WDR70: variants seen among roughly 807,000 people sequenced by gnomAD.
The protein encoded by WDR70 is WD repeat-containing protein 70.
Under a neutral mutation model 88.6 loss-of-function variants are expected in WDR70, and 53 were observed. The ratio of observed to expected loss-of-function variants is 0.60; its 90% CI spans 0.48 to 0.75. The LOEUF (loss-of-function observed/expected upper bound fraction) is 0.75. Ranked by LOEUF, WDR70 falls within the 30% of genes least tolerant of loss-of-function variation. The probability of loss-of-function intolerance (pLI) is 0.00; values close to 1 mark genes in which losing one functional copy is unlikely to be tolerated. For missense variants in WDR70, 610 were observed against 823.2 expected (o/e 0.74, Z 3.17); for synonymous variants, 280 against 270.0 (o/e 1.04, Z -0.36).
intron 9 of WDR70, among the ~76,000 whole-genome samples, chr5:37,585,229 A>T (rs1318083496): frequency 6.6e-6 from 1 of 152,008 alleles, no homozygotes; most frequent in Admixed American, 6.6e-5. Flanking sequence ...TGACCTCGTG[A>T]TCCTCCCGCC....
At chr5:37,574,199 A>C (rs1028943209) in intron 9 of WDR70, among the ~76,000 whole-genome samples, 2 of 152,180 alleles carry the variant, frequency 1.3e-5, no homozygotes, top group Admixed American at 6.5e-5. Context: ...AACCCATGTT[A>C]GGTAGACTTG....
chr5:37,726,394 T>C (rs189278269), intron 16 of WDR70, among the ~76,000 whole-genome samples: 2 of 152,312 alleles, frequency 1.3e-5, no homozygotes, highest in Admixed American at 6.5e-5. Context: ...AAGAGGTTCC[T>C]ATTTCATAGG....
intron 10 of WDR70, among the ~76,000 whole-genome samples, chr5:37,622,643 A>C (rs1357483235): frequency 6.6e-6 from 1 of 152,156 alleles, no homozygotes; most frequent in African/African-American, 2.4e-5. Flanking sequence ...TAGCAAGGAC[A>C]AAAAACCAAA....
At chr5:37,557,959 T>TCTTTTGAA in intron 9 of WDR70, among the ~76,000 whole-genome samples, 1 of 146,506 alleles carries the variant, frequency 6.8e-6, no homozygotes, top group African/African-American at 2.5e-5. Context: ...AAAAGAGTAT[T>TCTTTTGAA]ATGTATATTT....
chr5:37,668,175 G>T (rs1333115249), intron 10 of WDR70, among the ~76,000 whole-genome samples: 1 of 152,090 alleles, frequency 6.6e-6, no homozygotes, highest in Non-Finnish European at 1.5e-5. Flanking sequence ...GGTGATTTAG[G>T]TGATATCCTC....
intron 10 of WDR70, among the ~76,000 whole-genome samples, chr5:37,610,103 C>G (rs1240487958): frequency 6.6e-6 from 1 of 151,954 alleles, no homozygotes; most frequent in Non-Finnish European, 1.5e-5. Flanking sequence ...CCTGTCTCTA[C>G]TAAAAATACA....
In WDR70 at chr5:37,386,297, T is replaced by A. The variant is rs192732255; in HGVS notation, c.175+4612T>A. On this transcript the variant is annotated intron_variant, in intron 3 of 17. Coordinates refer to ENST00000265107, the MANE Select transcript of WDR70 (RefSeq NM_018034.4). Reference sequence around the variant, plus strand: ...TTTTAAGCATATAATACAACATGTTTTGAACAAGGATTGTCTTGTTTGGCT... The same window carrying A: ...TTTTAAGCATATAATACAACATGTTATGAACAAGGATTGTCTTGTTTGGCT... 6.9e-4 allele frequency among the ~76,000 whole-genome samples: 105 copies of A among 152,370 alleles called. No individual in the cohort carries two copies. The East Asian group carries it at 0.019, about 28-fold the overall frequency.
At chr5:37,644,373 AT>A (rs112103659) in intron 10 of WDR70, among the ~76,000 whole-genome samples, 2,855 of 152,040 alleles carry the variant, frequency 0.019, 82 homozygotes, top group African/African-American at 0.064. Flanking sequence ...GTGTTGTTGA[AT>A]TCATTTGCTG....
At chr5:37,704,977 T>G (rs1012481068) in intron 13 of WDR70, among the ~76,000 whole-genome samples, 2 of 152,106 alleles carry the variant, frequency 1.3e-5, no homozygotes, top group African/African-American at 2.4e-5. Flanking sequence ...TATATAAGAT[T>G]TGGTGAGTCT....
chr5:37,392,251 T>G, intron 4 of WDR70, 131 bp downstream of exon 4: 4 of 1,051,878 alleles, frequency 3.8e-6, no homozygotes, highest in Non-Finnish European at 5.3e-6. Context: ...TGGCGTGATC[T>G]TGGCTGACTG....
intron 10 of WDR70, among the ~76,000 whole-genome samples, chr5:37,628,677 T>G (rs139355370): frequency 1.0e-3 from 155 of 152,348 alleles, no homozygotes; most frequent in African/African-American, 3.6e-3. Flanking sequence ...ATGGGGGAAT[T>G]TAATCCACTT....
At chr5:37,505,870 A>G in intron 8 of WDR70, 1 of 1,367,494 alleles carries the variant, frequency 7.3e-7, no homozygotes, top group Admixed American at 1.7e-5. Context: ...GCATTTTTTA[A>G]GGTAGCCACT....
intron 7 of WDR70, among the ~76,000 whole-genome samples, chr5:37,448,455 A>G (rs1167828066): frequency 6.6e-6 from 1 of 152,210 alleles, no homozygotes; most frequent in Non-Finnish European, 1.5e-5. Context: ...TTTGATGGAA[A>G]GAGGTAGAAA....
At chr5:37,650,136 A>G (rs1028558037) in intron 10 of WDR70, among the ~76,000 whole-genome samples, 4 of 149,440 alleles carry the variant, frequency 2.7e-5, no homozygotes, top group African/African-American at 9.8e-5. Context: ...AGTGGCTCAC[A>G]CCTGTAATCC....
At chr5:37,642,193 T>C (rs1336759925) in intron 10 of WDR70, among the ~76,000 whole-genome samples, 1 of 152,092 alleles carries the variant, frequency 6.6e-6, no homozygotes, top group East Asian at 1.9e-4. Context: ...TCTGATACCA[T>C]CCCTCACCCT....
chr5:37,495,836 T>A (rs1415515170), intron 8 of WDR70, among the ~76,000 whole-genome samples: 1 of 152,250 alleles, frequency 6.6e-6, no homozygotes, highest in African/African-American at 2.4e-5. Flanking sequence ...ATGACTAATT[T>A]TGGTCACTGT....
Position 37,449,420 on chromosome 5 carries a change from C to T in WDR70, c.686+6048C>T, listed in dbSNP as rs4340938. Among the ~76,000 whole-genome samples the T allele has an allele frequency of 1.5e-3, 225 of 151,888 alleles. 1 individual carries two copies. Among genetic ancestry groups the T allele is most frequent in the South Asian group, 3.7e-3 (18 of 4,800 alleles). On this transcript the variant is annotated intron_variant, in intron 7 of 17. Coordinates refer to ENST00000265107, the MANE Select transcript of WDR70 (RefSeq NM_018034.4). Reference sequence around the variant, plus strand: ...CAGCCTGGCCAACATGGTGAAACCCCGTCTGTACTAAAAATACAAAAATTA... The same window carrying T: ...CAGCCTGGCCAACATGGTGAAACCCTGTCTGTACTAAAAATACAAAAATTA...
chr5:37,396,185 G>GTT (rs34642822), intron 4 of WDR70, among the ~76,000 whole-genome samples, 190 bp from the exon 5 acceptor site: 3,722 of 151,922 alleles, frequency 0.024, 135 homozygotes, highest in African/African-American at 0.084. Flanking sequence ...GCGTAAGACG[G>GTT]TTTTTTTTAA....
intron 9 of WDR70, among the ~76,000 whole-genome samples, chr5:37,582,134 T>A (rs1466562725): frequency 6.6e-6 from 1 of 152,174 alleles, no homozygotes; most frequent in Non-Finnish European, 1.5e-5. Context: ...CTAGGTATAG[T>A]AAGGGTCATT....
Sources: gnomAD v4.1 joint callset for allele counts (sites outside exome capture counted in the v4.1 genomes callset) on GRCh38, gnomAD v4.1.1 for gene constraint, MANE v1.5 for transcripts, NCBI Gene and HGNC (gene_info 2026-07-23, HGNC 2026-07-21) for gene names.